Variants in TICRR observed in about 807,000 individuals in gnomAD.
TICRR encodes the protein treslin.
A neutral mutation model predicts 178.1 loss-of-function variants in TICRR; 132 were observed. That is an observed-to-expected ratio of 0.74 (90% CI 0.64 to 0.86). The LOEUF is 0.86. Among genes scored for constraint, TICRR ranks in the 40% least tolerant of loss-of-function variants. TICRR has a pLI of 0.00. For missense variants in TICRR, 2,587 were observed against 2,334.3 expected, an observed-to-expected ratio of 1.11 and a Z score of -2.23; for synonymous variants, 991 against 900.7, an observed-to-expected ratio of 1.10 and a Z score of -1.79.
Position 89,626,939 on chromosome 15 carries a change from T to C in TICRR, c.5603-17T>C, listed in dbSNP as rs1040718386. On this transcript the variant is annotated splice_polypyrimidine_tract_variant and intron_variant, in intron 21 of 21. Transcript: ENST00000268138. ...CTCTGTGACTCCTGCATGCTAAGCC[T>C]TTCTACCTTCTTCTAGATGAGGATG... The C allele has an allele frequency of 6.2e-7, 1 of 1,612,864 alleles. No individual in the cohort carries two copies. Among genetic ancestry groups the C allele is most frequent in the Non-Finnish European group, 8.5e-7 (1 of 1,179,070 alleles).
intron 18 of TICRR, among the ~76,000 whole-genome samples, chr15:89,620,573 T>C (rs1244795051): frequency 6.6e-6 from 1 of 152,180 alleles, no homozygotes; most frequent in Non-Finnish European, 1.5e-5. Flanking sequence ...ACATAGGAGC[T>C]GGGGTTAATA....
chr15:89,581,370 C>T (rs926601225), intron 1 of TICRR, among the ~76,000 whole-genome samples: 9 of 152,158 alleles, frequency 5.9e-5, no homozygotes, highest in Non-Finnish European at 7.3e-5. Context: ...TCACACCCCC[C>T]GCCCCACTTC....
chr15:89,621,408 C>A lies in TICRR; in HGVS notation c.3170C>A (p.Ser1057Tyr), dbSNP rs758021401. 1.9e-6 allele frequency: 3 copies of A among 1,594,692 alleles called. No individual in the cohort carries two copies. Among genetic ancestry groups the A allele is most frequent in the South Asian group, 2.3e-5 (2 of 86,952 alleles). ...QQDKSDQREN[S>Y]PVQSIRSPKS... Reference sequence around the variant, plus strand: ...TGACTTGCAGACCAAAGAGAAAATTCTCCAGTCCAAAGTATTCGGTCTCCC... The same window carrying A: ...TGACTTGCAGACCAAAGAGAAAATTATCCAGTCCAAAGTATTCGGTCTCCC... The change falls in exon 19 of 22, where the codon TCT becomes TAT. Residue 1057 changes from serine to tyrosine, a missense_variant. Transcript: ENST00000268138.
At chr15:89,604,098 A>G (rs1395435498) in intron 13 of TICRR, among the ~76,000 whole-genome samples, 1 of 152,224 alleles carries the variant, frequency 6.6e-6, no homozygotes, top group Non-Finnish European at 1.5e-5. Flanking sequence ...CGCTGAGGAA[A>G]AAAGGGAGAC....
chr15:89,583,143 C>G (rs545843928), intron 2 of TICRR, among the ~76,000 whole-genome samples, 178 bp downstream of exon 2: 1 of 152,122 alleles, frequency 6.6e-6, no homozygotes, highest in Non-Finnish European at 1.5e-5. Context: ...AAGAGTTGAA[C>G]TCTTAATTCA....
intron 7 of TICRR, among the ~76,000 whole-genome samples, chr15:89,595,841 A>G (rs1185234626): frequency 6.6e-6 from 1 of 152,104 alleles, no homozygotes; most frequent in African/African-American, 2.4e-5. Flanking sequence ...CCAGCCTGGG[A>G]GACAGAGCGA....
At chr15:89,589,529 A>G (rs1962876476) in intron 4 of TICRR, among the ~76,000 whole-genome samples, 1 of 152,190 alleles carries the variant, frequency 6.6e-6, no homozygotes, top group Non-Finnish European at 1.5e-5. Context: ...CTTTCCATGC[A>G]GAGGGAGGCT....
chr15:89,591,955 C>G lies in TICRR; in HGVS notation c.1412-92C>G, dbSNP rs1014261418. ...ACTTTGTATGTCCTTTGGAGGGATG[C>G]AGTCAGTCCAGGGGAGGAGCAAGTG... On this transcript the variant is annotated intron_variant, in intron 4 of 21. Transcript: ENST00000268138. 1.6e-5 allele frequency: 18 copies of G among 1,132,756 alleles called. No individual in the cohort carries two copies. In the Admixed American group the frequency reaches 4.2e-4, roughly 26 times the overall value. The allele number at this position is 1,132,756 out of a possible 1,614,324, so 70.2% of individuals were successfully genotyped here. A position where few individuals can be genotyped will look rare whatever the true frequency, so the allele number is the denominator to read the frequency against.
intron 15 of TICRR, 151 bp downstream of exon 15, chr15:89,609,100 CTTTTTTTTTTT>C (rs59398617): frequency 0.01 from 859 of 84,898 alleles, 5 homozygotes; most frequent in African/African-American, 0.013. Context: ...TTTTGTTAAT[CTTTTTTTTTTT>C]TTTTTTTTTT....
chr15:89,595,258 C>T lies in TICRR; in HGVS notation c.1682-135C>T, dbSNP rs558646899. On this transcript the variant is annotated intron_variant, in intron 6 of 21. Coordinates refer to ENST00000268138, the MANE Select transcript of TICRR (RefSeq NM_152259.4). The stretch of plus-strand genomic sequence containing the variant: ...GTGTGGGCAGAAAGAGATGCAAGAA[C>T]TTCCTAATTCAAATCATTCTGGAGG... The T allele has an allele frequency of 6.6e-5, 44 of 669,848 alleles. 1 individual carries two copies. In the South Asian group the frequency reaches 7.7e-4, roughly 12 times the overall value. 41.5% of individuals were successfully genotyped at this position (669,848 alleles called of 1,614,324 possible). A position where few individuals can be genotyped will look rare whatever the true frequency, so the allele number is the denominator to read the frequency against.
intron 12 of TICRR, 122 bp downstream of exon 12, chr15:89,602,098 G>A: frequency 4.9e-6 from 6 of 1,224,388 alleles, no homozygotes; most frequent in Non-Finnish European, 6.7e-6. Flanking sequence ...CTGCCCTTAT[G>A]TCTGAATCAG....
At position 89,608,806 on chromosome 15, in the gene TICRR, T is replaced by G. The variant is rs764128042; in HGVS notation, c.2726T>G (p.Val909Gly). 3.1e-6 allele frequency: 5 copies of G among 1,599,822 alleles called. No homozygotes were observed. The highest frequency in any genetic ancestry group is 4.3e-6 in the Non-Finnish European group (5 of 1,175,430). The change falls in exon 15 of 22, where the codon GTG (valine) becomes GGG (glycine). Residue 909 changes from valine (V) to glycine (G), a missense_variant. Coordinates refer to ENST00000268138, the MANE Select transcript of TICRR (RefSeq NM_152259.4). ...TTTTAATTTTTGATGCTTTCAGAAG[T>G]GACCAAAGTTCGAAGAAATCTTTTC... ...SQPVKDTVQE[V>G]TKVRRNLFNQ...
intron 1 of TICRR, among the ~76,000 whole-genome samples, chr15:89,576,811 A>ATGTGTG (rs1178280901): frequency 1.7e-4 from 2 of 11,902 alleles, no homozygotes; most frequent in East Asian, 1.1e-3. Context: ...GTGTGTGTGT[A>ATGTGTG]TGTGTGTGTG....
intron 13 of TICRR, 126 bp from the exon 14 acceptor site, chr15:89,606,642 T>A: frequency 2.6e-6 from 2 of 761,254 alleles, no homozygotes; most frequent in Non-Finnish European, 4.5e-6. Flanking sequence ...GTTGTACATT[T>A]TATTATTTCT....
chr15:89,603,018 A>G (rs1435166396), intron 13 of TICRR, 126 bp downstream of exon 13: 1 of 434,570 alleles, frequency 2.3e-6, no homozygotes, highest in Non-Finnish European at 4.1e-6. Flanking sequence ...AATGTGTATA[A>G]AACTATAATC....
rs749640025 is a variant in TICRR, at chr15:89,602,881, G to C, written c.2653G>C (p.Ala885Pro). Reference protein sequence around the residue: ...QIEIPKVSKRATKKENSHPAP... With the variant: ...QIEIPKVSKRPTKKENSHPAP... ...TGAAATTCCTAAAGTGTCAAAGAGA[G>C]CTACGAAAAAAGTAAGTAAACCTTC... Residue 885 changes from alanine to proline, a missense_variant, in exon 13 of 22, where the codon GCT becomes CCT. Transcript: ENST00000268138. The C allele has an allele frequency of 5.2e-5, 79 of 1,516,738 alleles. No individual in the cohort carries two copies. Among genetic ancestry groups the C allele is most frequent in the Non-Finnish European group, 6.6e-5 (75 of 1,132,226 alleles). The allele number at this position is 1,516,738 out of a possible 1,614,324, so 94.0% of individuals were successfully genotyped here.
At chr15:89,606,956 A>G (rs1268667088) in intron 14 of TICRR, 131 bp downstream of exon 14, 7 of 665,336 alleles carry the variant, frequency 1.1e-5, no homozygotes, top group Non-Finnish European at 1.8e-5. Context: ...AAATATGTCC[A>G]AATACCATGG....
intron 13 of TICRR, among the ~76,000 whole-genome samples, chr15:89,603,534 A>G (rs996208026): frequency 3.3e-5 from 5 of 152,248 alleles, no homozygotes; most frequent in Non-Finnish European, 7.3e-5. Flanking sequence ...GCAATGAGCT[A>G]TGGTCGTGCC....
intron 4 of TICRR, among the ~76,000 whole-genome samples, chr15:89,590,709 C>G (rs1376220991): frequency 1.3e-5 from 2 of 152,206 alleles, no homozygotes; most frequent in Non-Finnish European, 1.5e-5. Context: ...TTATACGTAT[C>G]TCCATGACTT....
Sources: allele counts gnomAD v4.1 joint callset (sites outside exome capture counted in the v4.1 genomes callset), GRCh38; gene constraint gnomAD v4.1.1; transcripts MANE v1.5; gene names NCBI Gene and HGNC (gene_info 2026-07-23, HGNC 2026-07-21).